ZNF597: variants seen among roughly 807,000 people sequenced by gnomAD.
The protein encoded by ZNF597 is zinc finger protein 597.
ZNF597 carries 5 observed loss-of-function variants against 7.3 expected under a neutral mutation model. That is an observed-to-expected ratio of 0.68 (90% CI 0.36 to 1.44). The LOEUF (loss-of-function observed/expected upper bound fraction) is 1.44. Ranked by LOEUF, ZNF597 falls within the 40% of genes most tolerant of loss-of-function variation. The pLI, the probability that ZNF597 is intolerant of heterozygous loss-of-function variation, is 0.04. For synonymous variants in ZNF597, 209 were observed against 185.4 expected (o/e 1.13, Z -1.04); for missense variants, 585 against 517.9 (o/e 1.13, Z -1.26).
chr16:3,440,927 T>C lies in ZNF597; in HGVS notation c.40A>G (p.Ile14Val), dbSNP rs2034361403. ...MPPTPEAQGP[I>V]LFEDLAVYFS... ...TACACAGCCAGATCCTCAAAGAGTA[T>C]TGGTCCCTGAAACACAAGAGCCTGT... is the stretch of plus-strand genomic sequence containing the variant. Residue 14 changes from isoleucine to valine, a missense_variant, in exon 3 of 4, where the codon ATA (isoleucine) becomes GTA (valine). Ile to Val is a conservative substitution (Grantham distance 29, BLOSUM62 3). Coordinates refer to ENST00000301744, the MANE Select transcript of ZNF597 (RefSeq NM_152457.3). 6.2e-7 allele frequency: 1 copy of C among 1,613,402 alleles called. No individual in the cohort carries two copies. Among genetic ancestry groups the C allele is most frequent in the Admixed American group, 1.7e-5 (1 of 59,952 alleles).
intron 3 of ZNF597, among the ~76,000 whole-genome samples, 174 bp downstream of exon 3, chr16:3,440,633 C>CAAA (rs202008371): frequency 6.2e-4 from 89 of 144,056 alleles, no homozygotes; most frequent in African/African-American, 1.9e-3. Flanking sequence ...GAGTCTGTCT[C>CAAA]AAAAAAAAAA....
chr16:3,442,414 A>G (rs564419218), intron 2 of ZNF597, among the ~76,000 whole-genome samples: 13 of 152,076 alleles, frequency 8.5e-5, no homozygotes, highest in Non-Finnish European at 1.8e-4. Context: ...AGTGGCTCAC[A>G]CCTGTAATTC....
rs1046503522 is a variant in ZNF597, at chr16:3,435,169, T to G, written c.*1255A>C. On this transcript the variant is annotated 3_prime_UTR_variant, in exon 4 of 4. Transcript: ENST00000301744. ...CAAAACCCAGTTAAGACCTTCAGTA[T>G]TGTACTCTGCCAAGTGTGAAATCTC... 4 of 152,222 alleles carry G rather than the reference T, an allele frequency of 2.6e-5. No homozygotes were observed. Among genetic ancestry groups the G allele is most frequent in the Admixed American group, 6.5e-5 (1 of 15,276 alleles). 9.4% of individuals were successfully genotyped at this position (152,222 alleles called of 1,614,324 possible).
intron 3 of ZNF597, 84 bp from the exon 4 acceptor site, chr16:3,437,622 A>T (rs2034319449): frequency 6.8e-7 from 1 of 1,476,436 alleles, no homozygotes; most frequent in Non-Finnish European, 8.9e-7. Context: ...GTAGTTACAA[A>T]CAGGACCAGG....
At chr16:3,437,636 C>A in intron 3 of ZNF597, 98 bp from the exon 4 acceptor site, 2 of 1,453,874 alleles carry the variant, frequency 1.4e-6, no homozygotes, top group Non-Finnish European at 1.8e-6. Context: ...GACCAGGAAA[C>A]CTTAGAAGGG....
chr16:3,439,560 A>C (rs1423597710), intron 3 of ZNF597, among the ~76,000 whole-genome samples: 1 of 152,140 alleles, frequency 6.6e-6, no homozygotes, highest in Non-Finnish European at 1.5e-5. Flanking sequence ...ACAGAAAAAA[A>C]CTGCCTTAGC....
At chr16:3,440,708 G>A in intron 3 of ZNF597, 99 bp downstream of exon 3, 2 of 1,448,166 alleles carry the variant, frequency 1.4e-6, no homozygotes, top group South Asian at 1.3e-5. Flanking sequence ...ATTACTGAGG[G>A]ACAGGTCCCA....
intron 2 of ZNF597, among the ~76,000 whole-genome samples, chr16:3,441,719 A>T (rs927614127): frequency 1.1e-4 from 17 of 152,236 alleles, no homozygotes; most frequent in Admixed American, 6.5e-4. Flanking sequence ...AGATCGTGCC[A>T]CTGCACTCCA....
At position 3,434,837 on chromosome 16, in the gene ZNF597, ACTGT is replaced by A. The variant is rs2034285134; in HGVS notation, c.*1583_*1586del. On this transcript the variant is annotated 3_prime_UTR_variant, in exon 4 of 4. Coordinates refer to ENST00000301744, the MANE Select transcript of ZNF597 (RefSeq NM_152457.3). Reference sequence around the variant, plus strand: ...ATTTTAGCAAATATTGTACTTTTATACTGTCTATTTAAATAGAATGAGAGCATTC... The same window carrying A: ...ATTTTAGCAAATATTGTACTTTTATACTATTTAAATAGAATGAGAGCATTC... 6.6e-6 allele frequency: 1 copy of A among 152,194 alleles called. No individual in the cohort carries two copies. The highest frequency in any genetic ancestry group is 1.5e-5 in the Non-Finnish European group (1 of 68,042). 9.4% of individuals were successfully genotyped at this position (152,194 alleles called of 1,614,324 possible).
In ZNF597 at chr16:3,438,888, C is replaced by T. The variant is rs117252110; in HGVS notation, c.161-1350G>A. Among the ~76,000 whole-genome samples, 572 of 152,318 alleles carry T rather than the reference C, an allele frequency of 3.8e-3. 2 individuals carry two copies. Among genetic ancestry groups the T allele is most frequent in the South Asian group, 0.016 (77 of 4,820 alleles). ...TTCTTTCCAGAGAAACAAAGTTCTA[C>T]AGTTTTCCCAACTCACTGACTAGAA... On this transcript the variant is annotated intron_variant, in intron 3 of 3. Transcript: ENST00000301744.
rs1397990217 is a variant in ZNF597 at position 3,436,084 on chromosome 16, C to T, written c.*340G>A. ...AATAAATTCTCCTCCTTCTAAAAGTCAGAAACTACGTAAACAAAATTAAAA... is the reference window on the plus strand; with the variant it reads ...AATAAATTCTCCTCCTTCTAAAAGTTAGAAACTACGTAAACAAAATTAAAA... On this transcript the variant is annotated 3_prime_UTR_variant, in exon 4 of 4. Coordinates refer to ENST00000301744, the MANE Select transcript of ZNF597 (RefSeq NM_152457.3). 4.4e-6 allele frequency: 1 copy of T among 225,690 alleles called. No individual in the cohort carries two copies. The highest frequency in any genetic ancestry group is 8.7e-6 in the Non-Finnish European group (1 of 115,604). 14.0% of individuals were successfully genotyped at this position (225,690 alleles called of 1,614,324 possible).
chr16:3,437,034 C>A lies in ZNF597; in HGVS notation c.665G>T (p.Arg222Leu), dbSNP rs370723255. ...GTGTCGGGATAGATGAGAGTGCTGG[C>A]GAAAGCTGGCACTGCACTTGGCACA... ...YKCAKCSASF[R>L]QHSHLSRHMN... The change falls in exon 4 of 4, where the codon CGC becomes CTC. Residue 222 changes from arginine to leucine, a missense_variant. Physicochemically the swap from Arg to Leu is moderately radical, Grantham distance 102. Coordinates refer to ENST00000301744, the MANE Select transcript of ZNF597 (RefSeq NM_152457.3). 1.9e-6 allele frequency: 3 copies of A among 1,614,020 alleles called. No homozygotes were observed. The highest frequency in any genetic ancestry group is 2.7e-5 in the African/African-American group (2 of 74,886).
chr16:3,442,397 C>A (rs1299543836), intron 2 of ZNF597, among the ~76,000 whole-genome samples: 1 of 152,048 alleles, frequency 6.6e-6, no homozygotes, highest in Non-Finnish European at 1.5e-5. Flanking sequence ...AGTTTTAGGC[C>A]GGGCGCAGTG....
At chr16:3,439,581 A>G (rs1223401257) in intron 3 of ZNF597, among the ~76,000 whole-genome samples, 1 of 152,162 alleles carries the variant, frequency 6.6e-6, no homozygotes, top group African/African-American at 2.4e-5. Context: ...AGTAACTCAA[A>G]TAAGTCCTAG....
intron 2 of ZNF597, among the ~76,000 whole-genome samples, chr16:3,442,160 G>C (rs1034870317): frequency 1.4e-4 from 21 of 152,124 alleles, no homozygotes; most frequent in African/African-American, 4.6e-4. Context: ...TTCTCTAACG[G>C]TGTGATAAAT....
Position 3,436,292 on chromosome 16 carries a change from G to T in ZNF597, c.*132C>A. 2.3e-6 allele frequency: 2 copies of T among 867,144 alleles called. No homozygotes were observed. The highest frequency in any genetic ancestry group is 3.5e-6 in the Non-Finnish European group (2 of 578,816). The allele number at this position is 867,144 out of a possible 1,614,324, so 53.7% of individuals were successfully genotyped here. ...ATGATACTGCCTAAATCACGGTTGTGCTGAGAATTAAGTATTACATGGGAA... is the reference window on the plus strand; with the variant it reads ...ATGATACTGCCTAAATCACGGTTGTTCTGAGAATTAAGTATTACATGGGAA... On this transcript the variant is annotated 3_prime_UTR_variant, in exon 4 of 4. Coordinates refer to ENST00000301744, the MANE Select transcript of ZNF597 (RefSeq NM_152457.3).
At chr16:3,439,526 A>C (rs187209344) in intron 3 of ZNF597, among the ~76,000 whole-genome samples, 1 of 152,208 alleles carries the variant, frequency 6.6e-6, no homozygotes, top group African/African-American at 2.4e-5. Context: ...GTGGAAAGAC[A>C]TAAGACATTG....
chr16:3,438,086 G>C (rs1278750759), intron 3 of ZNF597, among the ~76,000 whole-genome samples: 1 of 152,006 alleles, frequency 6.6e-6, no homozygotes, highest in Non-Finnish European at 1.5e-5. Context: ...TTAAAAATTA[G>C]CCAGGCATGG....
At position 3,440,896 on chromosome 16, in the gene ZNF597, G is replaced by C; in HGVS notation, c.71C>G (p.Ser24Cys). Residue 24 changes from serine (S) to cysteine (C), a missense_variant, in exon 3 of 4, where the codon TCT becomes TGT. Transcript: ENST00000301744. ...ILFEDLAVYF[S>C]QEECVTLHPA... Reference sequence around the variant, plus strand: ...GTGCAGAGTCACGCACTCCTCTTGAGAAAAATACACAGCCAGATCCTCAAA... The same window carrying C: ...GTGCAGAGTCACGCACTCCTCTTGACAAAAATACACAGCCAGATCCTCAAA... The C allele has an allele frequency of 6.2e-7, 1 of 1,613,916 alleles. No individual in the cohort carries two copies. Among genetic ancestry groups the C allele is most frequent in the Non-Finnish European group, 8.5e-7 (1 of 1,179,898 alleles).
Sources: allele counts gnomAD v4.1 joint callset (sites outside exome capture counted in the v4.1 genomes callset), GRCh38; gene constraint gnomAD v4.1.1; transcripts MANE v1.5; gene names NCBI Gene and HGNC (gene_info 2026-07-23, HGNC 2026-07-21).